Variants in SLC25A21 observed in about 807,000 individuals in gnomAD.
SLC25A21 encodes the protein solute carrier family 25 member 21.
A neutral mutation model predicts 43.8 loss-of-function variants in SLC25A21; 47 were observed. The ratio of observed to expected loss-of-function variants is 1.07; its 90% CI spans 0.85 to 1.37. SLC25A21 has a LOEUF of 1.37. Among genes scored for constraint, SLC25A21 ranks in the 40% most tolerant of loss-of-function variants. SLC25A21 has a pLI of 0.00. For missense variants in SLC25A21, 352 were observed against 350.2 expected, an observed-to-expected ratio of 1.00 and a Z score of -0.04; for synonymous variants, 131 against 121.3, an observed-to-expected ratio of 1.08 and a Z score of -0.52.
At chr14:36,976,297 A>G (rs1191905967) in intron 1 of SLC25A21, among the ~76,000 whole-genome samples, 2 of 152,110 alleles carry the variant, frequency 1.3e-5, no homozygotes, top group East Asian at 3.9e-4. Context: ...AGGAGAACAA[A>G]TAAGGCAAGA....
intron 3 of SLC25A21, among the ~76,000 whole-genome samples, chr14:36,764,036 A>AAAGAAAGAAAG (rs1886266384): frequency 7.8e-5 from 2 of 25,626 alleles, no homozygotes; most frequent in Admixed American, 6.6e-4. Flanking sequence ...GAAAGAAAGA[A>AAAGAAAGAAAG]AAAGAAAGAA....
chr14:36,981,374 A>C (rs1259615647), intron 1 of SLC25A21, among the ~76,000 whole-genome samples: 1 of 152,226 alleles, frequency 6.6e-6, no homozygotes, highest in Non-Finnish European at 1.5e-5. Context: ...TGCTACTATA[A>C]AGACACATGC....
At chr14:36,682,007 G>A (rs10136792) in intron 9 of SLC25A21, among the ~76,000 whole-genome samples, 26,643 of 151,984 alleles carry the variant, frequency 0.18, 3,545 homozygotes, top group African/African-American at 0.34. Context: ...TAACAGTTGA[G>A]GTTTAAATCA....
rs897472782 is a variant in SLC25A21, at chr14:36,791,744, C to T, written c.203+22174G>A. Among the ~76,000 whole-genome samples the T allele has an allele frequency of 5.9e-5, 9 of 152,200 alleles. No homozygotes were observed. In the East Asian group the frequency reaches 1.7e-3, roughly 29 times the overall value. ...AAAGAAGCCAGTTATAGGGGATTAA[C>T]CACCCCGCTTTGCTCTCCAACAAAA... On this transcript the variant is annotated intron_variant, in intron 3 of 9. Coordinates refer to ENST00000331299, the MANE Select transcript of SLC25A21 (RefSeq NM_030631.4).
intron 3 of SLC25A21, among the ~76,000 whole-genome samples, chr14:36,745,365 G>C (rs1463480176): frequency 6.6e-6 from 1 of 152,142 alleles, no homozygotes; most frequent in Non-Finnish European, 1.5e-5. Context: ...ACCTAGGAAT[G>C]GGATGGCTGG....
rs369934224 is a variant in SLC25A21 at position 37,012,687 on chromosome 14, C to T, written c.71-137683G>A. Among the ~76,000 whole-genome samples, 21 of 152,064 alleles carry T rather than the reference C, an allele frequency of 1.4e-4. No individual in the cohort carries two copies. In the East Asian group the frequency reaches 1.7e-3, roughly 13 times the overall value. ...GTTTTCCAAACCATGTCTGAATGTG[C>T]GTGGTAAGCCGAATTTCCCCAACTT... On this transcript the variant is annotated intron_variant, in intron 1 of 9. Coordinates refer to ENST00000331299, the MANE Select transcript of SLC25A21 (RefSeq NM_030631.4).
chr14:36,684,995 G>T, intron 7 of SLC25A21, 70 bp from the exon 8 acceptor site: 1 of 1,268,784 alleles, frequency 7.9e-7, no homozygotes, highest in Non-Finnish European at 1.1e-6. Context: ...ACACTATAAA[G>T]CAATATGTAT....
chr14:37,031,579 G>A (rs1171911258), intron 1 of SLC25A21, among the ~76,000 whole-genome samples: 1 of 152,104 alleles, frequency 6.6e-6, no homozygotes, highest in Non-Finnish European at 1.5e-5. Context: ...GCAGAGATGT[G>A]AGACAACTTC....
In SLC25A21 at chr14:36,987,228, T is replaced by G. The variant is rs1960165555; in HGVS notation, c.71-112224A>C. On this transcript the variant is annotated intron_variant, in intron 1 of 9. Transcript: ENST00000331299. ...GGCAGCCCAACCAGAGAGGAAGGTT[T>G]TCTACCAAAGTAAATGGCATTTTGG... Among the ~76,000 whole-genome samples, 17 of 152,200 alleles carry G rather than the reference T, an allele frequency of 1.1e-4. No individual in the cohort carries two copies. The South Asian group carries it at 3.1e-3, about 28-fold the overall frequency.
chr14:37,121,584 T>C (rs1963208740), intron 1 of SLC25A21, among the ~76,000 whole-genome samples: 2 of 152,228 alleles, frequency 1.3e-5, no homozygotes, highest in Admixed American at 6.5e-5. Context: ...GGCCAAGAGT[T>C]TGAAACCAGC....
chr14:37,047,187 G>C (rs1961604806), intron 1 of SLC25A21, among the ~76,000 whole-genome samples: 1 of 152,130 alleles, frequency 6.6e-6, no homozygotes, highest in Admixed American at 6.6e-5. Context: ...GGGTTGTATT[G>C]ATTCAAAACC....
In SLC25A21 at chr14:36,991,383, G is replaced by A. The variant is rs139655235; in HGVS notation, c.71-116379C>T. On this transcript the variant is annotated intron_variant, in intron 1 of 9. Transcript: ENST00000331299. ...CAGAGAAGCAGCAGCCCTGGCACAC[G>A]GCATTCAACACTTATGGACCTGCTG... Among the ~76,000 whole-genome samples the A allele has an allele frequency of 3.2e-3, 494 of 152,214 alleles. 10 individuals carry two copies. The highest frequency in any genetic ancestry group is 9.1e-4 in the Non-Finnish European group (62 of 68,014).
intron 1 of SLC25A21, among the ~76,000 whole-genome samples, chr14:37,120,841 C>T (rs1963194610): frequency 6.6e-6 from 1 of 152,126 alleles, no homozygotes. Context: ...TAAAAAGACA[C>T]ATTCTGCTCC....
intron 2 of SLC25A21, among the ~76,000 whole-genome samples, chr14:36,855,072 A>G (rs993425911): frequency 6.6e-6 from 1 of 152,020 alleles, no homozygotes; most frequent in Admixed American, 6.6e-5. Context: ...TATCATCACA[A>G]TCTGATAATT....
intron 2 of SLC25A21, among the ~76,000 whole-genome samples, chr14:36,830,750 A>T (rs745762051): frequency 6.6e-6 from 1 of 152,176 alleles, no homozygotes; most frequent in African/African-American, 2.4e-5. Flanking sequence ...AGAAACCCAC[A>T]TCATCCCCTC....
At chr14:36,874,673 A>C (rs1034357474) in intron 2 of SLC25A21, among the ~76,000 whole-genome samples, 1 of 152,220 alleles carries the variant, frequency 6.6e-6, no homozygotes, top group Non-Finnish European at 1.5e-5. Flanking sequence ...TTTTTACATC[A>C]TTTTGATAAA....
intron 1 of SLC25A21, among the ~76,000 whole-genome samples, chr14:37,145,476 C>CACAGAGAGAGAGAG (rs780734735): frequency 7.0e-6 from 1 of 143,566 alleles, no homozygotes; most frequent in African/African-American, 2.6e-5. Flanking sequence ...CACACACACA[C>CACAGAGAGAGAGAG]AGAGAGATGA....
intron 3 of SLC25A21, among the ~76,000 whole-genome samples, chr14:36,780,823 C>T (rs1004964151): frequency 3.3e-5 from 5 of 152,010 alleles, no homozygotes; most frequent in Admixed American, 1.3e-4. Context: ...ATGTTCTGTA[C>T]TTGTCTGTTA....
intron 1 of SLC25A21, among the ~76,000 whole-genome samples, chr14:37,012,785 C>A (rs1476328880): frequency 6.6e-6 from 1 of 152,148 alleles, no homozygotes; most frequent in African/African-American, 2.4e-5. Flanking sequence ...CAGTGTAGAA[C>A]AACTGCTCTT....
Sources: allele counts gnomAD v4.1 joint callset (sites outside exome capture counted in the v4.1 genomes callset), GRCh38; gene constraint gnomAD v4.1.1; transcripts MANE v1.5; gene names NCBI Gene and HGNC (gene_info 2026-07-23, HGNC 2026-07-21).